RAC2: variants seen among roughly 807,000 people sequenced by gnomAD.
RAC2 encodes ras-related C3 botulinum toxin substrate 2.
Under a neutral mutation model 24.0 loss-of-function variants are expected in RAC2, and 1 was observed. The ratio of observed to expected loss-of-function variants is 0.04; its 90% CI spans 0.01 to 0.20. The LOEUF (loss-of-function observed/expected upper bound fraction) is 0.20, where lower values mean the gene tolerates loss of function less well. Among genes scored for constraint, RAC2 ranks in the 10% least tolerant of loss-of-function variants. The pLI, the probability that RAC2 is intolerant of heterozygous loss-of-function variation, is 1.00. For missense variants in RAC2, 130 were observed against 259.1 expected, an observed-to-expected ratio of 0.50 and a Z score of 3.42; for synonymous variants, 114 against 106.8, an observed-to-expected ratio of 1.07 and a Z score of -0.41.
chr22:37,239,941 C>T, intron 2 of RAC2, among the ~76,000 whole-genome samples: 1 of 152,196 alleles, frequency 6.6e-6, no homozygotes, highest in East Asian at 1.9e-4. Context: ...ATCCTTGTTC[C>T]CATTTTGTAT....
At chr22:37,237,147 C>T (rs1359456757) in intron 2 of RAC2, among the ~76,000 whole-genome samples, 3 of 151,398 alleles carry the variant, frequency 2.0e-5, no homozygotes, top group African/African-American at 4.9e-5. Flanking sequence ...CGAGATCGCA[C>T]CACTGCACTC....
chr22:37,231,897 C>T lies in RAC2; in HGVS notation c.288+35G>A, dbSNP rs758014943. ...CCCTCTGTCCCTCAGGGTTACCTGC[C>T]CCAGAGCCCCCAAGGCCCACCCTGT... On this transcript the variant is annotated intron_variant, in intron 4 of 6. Transcript: ENST00000249071. The surrounding 1 kb of genome is among the most constrained non-coding windows in gnomAD (Gnocchi z 5.5). 32 of 1,550,026 alleles carry T rather than the reference C, an allele frequency of 2.1e-5. No homozygotes were observed. The South Asian group carries it at 3.7e-4, about 18-fold the overall frequency.
At chr22:37,230,330 C>T (rs1927019906) in intron 5 of RAC2, among the ~76,000 whole-genome samples, 1 of 152,118 alleles carries the variant, frequency 6.6e-6, no homozygotes. Context: ...GGGCCAAACC[C>T]TGGGCCTGCA....
At chr22:37,232,293 TAAAG>T (rs1269171933) in intron 3 of RAC2, 1 of 511,850 alleles carries the variant, frequency 2.0e-6, no homozygotes, top group Non-Finnish European at 3.6e-6. Flanking sequence ...TTCCAGAGGT[TAAAG>T]AGTTTGCCAA....
rs111610073 is a variant in RAC2, at chr22:37,239,415, C to T, written c.107+2172G>A. Among the ~76,000 whole-genome samples, 393 of 152,332 alleles carry T rather than the reference C, an allele frequency of 2.6e-3. 4 individuals carry two copies. The highest frequency in any genetic ancestry group is 9.1e-3 in the African/African-American group (378 of 41,572). On this transcript the variant is annotated intron_variant, in intron 2 of 6. Coordinates refer to ENST00000249071, the MANE Select transcript of RAC2 (RefSeq NM_002872.5). Reference sequence around the variant, plus strand: ...AGCTGGCCCTACTGGGATACCTTCACCCAATCCTTCGGAGAGACTTGGGAA... The same window carrying T: ...AGCTGGCCCTACTGGGATACCTTCATCCAATCCTTCGGAGAGACTTGGGAA...
At chr22:37,235,948 C>T (rs555954462) in intron 2 of RAC2, among the ~76,000 whole-genome samples, 4 of 152,290 alleles carry the variant, frequency 2.6e-5, no homozygotes, top group Middle Eastern at 3.4e-3. Flanking sequence ...CTTGAAGTCT[C>T]ATGTGATCCA....
At chr22:37,237,013 A>T (rs1297577683) in intron 2 of RAC2, among the ~76,000 whole-genome samples, 1 of 152,072 alleles carries the variant, frequency 6.6e-6, no homozygotes, top group Non-Finnish European at 1.5e-5. Flanking sequence ...ACATGGTGAA[A>T]CCCTGTCTCT....
chr22:37,241,160 C>T, intron 2 of RAC2: 1 of 778,706 alleles, frequency 1.3e-6, no homozygotes, highest in South Asian at 1.3e-5. Context: ...CGCAGGGCCT[C>T]CCAGGCCTGC....
At chr22:37,243,821 C>T (rs533200294) in intron 1 of RAC2, among the ~76,000 whole-genome samples, 2 of 152,330 alleles carry the variant, frequency 1.3e-5, no homozygotes, top group Admixed American at 1.3e-4. Context: ...CCGTGGGAGA[C>T]CTGCCCCCAG....
At chr22:37,242,420 A>G (rs896085161) in intron 1 of RAC2, among the ~76,000 whole-genome samples, 1 of 152,182 alleles carries the variant, frequency 6.6e-6, no homozygotes, top group African/African-American at 2.4e-5. Flanking sequence ...TTAACCCCAG[A>G]GCTGGTACAT....
intron 2 of RAC2, among the ~76,000 whole-genome samples, chr22:37,234,420 C>T (rs1461837799): frequency 6.6e-6 from 1 of 152,218 alleles, no homozygotes; most frequent in African/African-American, 2.4e-5. Context: ...AGTGACCCAA[C>T]TAGGTAAGAA....
chr22:37,236,768 C>T (rs568348731), intron 2 of RAC2, among the ~76,000 whole-genome samples: 15 of 152,286 alleles, frequency 9.8e-5, no homozygotes, highest in Middle Eastern at 3.4e-3. Flanking sequence ...GCACGCATGG[C>T]TAGTGACTTG....
intron 2 of RAC2, among the ~76,000 whole-genome samples, chr22:37,238,991 A>T (rs945908539): frequency 6.6e-6 from 1 of 152,124 alleles, no homozygotes; most frequent in Admixed American, 6.5e-5. Context: ...CAAACCTACC[A>T]TCCTCAGCCC....
At chr22:37,240,900 G>A (rs773422091) in intron 2 of RAC2, 254 of 644,762 alleles carry the variant, frequency 3.9e-4, no homozygotes, top group Non-Finnish European at 6.7e-4. Context: ...CGAACAGTAG[G>A]GTCCGGAGGA....
intron 3 of RAC2, 33 bp downstream of exon 3, chr22:37,232,768 G>A: frequency 6.4e-7 from 1 of 1,558,692 alleles, no homozygotes; most frequent in South Asian, 1.1e-5. Context: ...GACAGCAAAG[G>A]TCAGGACTGC....
At chr22:37,240,851 G>A in intron 2 of RAC2, 2 of 603,476 alleles carry the variant, frequency 3.3e-6, no homozygotes, top group Non-Finnish European at 6.1e-6. Context: ...AACAGCTTGA[G>A]CAAAGGCCCT....
chr22:37,232,077 G>A (rs1348027285), intron 3 of RAC2, 83 bp from the exon 4 acceptor site: 20 of 1,401,850 alleles, frequency 1.4e-5, no homozygotes, highest in Admixed American at 2.0e-5. Flanking sequence ...TGGAGCTTGG[G>A]GCTCCCTGAG....
At chr22:37,229,074 C>CA (rs1294263553) in intron 5 of RAC2, among the ~76,000 whole-genome samples, 1 of 152,204 alleles carries the variant, frequency 6.6e-6, no homozygotes, top group Middle Eastern at 3.2e-3. Context: ...CCACATCCAC[C>CA]AACTGCCTTT....
intron 5 of RAC2, among the ~76,000 whole-genome samples, chr22:37,230,872 C>T (rs1927038264): frequency 6.6e-6 from 1 of 152,164 alleles, no homozygotes; most frequent in Non-Finnish European, 1.5e-5. Context: ...GCTCAAAGCA[C>T]ACCTCCTTAT....
Sources: gnomAD v4.1 joint callset for allele counts (sites outside exome capture counted in the v4.1 genomes callset) on GRCh38, gnomAD v4.1.1 for gene constraint, Gnocchi (gnomAD v3.1) non-coding constraint, MANE v1.5 for transcripts, NCBI Gene and HGNC (gene_info 2026-07-23, HGNC 2026-07-21) for gene names.